The following CSMD1 variants were observed in gnomAD, a reference collection of about 807,000 sequenced individuals.
CSMD1 encodes CUB and sushi domain-containing protein 1.
A neutral mutation model predicts 417.5 loss-of-function variants in CSMD1; 213 were observed. That is an observed-to-expected ratio of 0.51 (90% CI 0.46 to 0.57). CSMD1 has a LOEUF of 0.57. Ranked by LOEUF, CSMD1 falls within the 20% of genes least tolerant of loss-of-function variation. CSMD1 has a pLI of 0.00. For synonymous variants in CSMD1, 2,862 were observed against 1,736.8 expected (o/e 1.65, Z -16.11); for missense variants, 6,923 against 4,529.7 (o/e 1.53, Z -15.17).
chr8:4,024,109 A>T (rs1027530705), intron 4 of CSMD1, among the ~76,000 whole-genome samples: 1 of 152,174 alleles, frequency 6.6e-6, no homozygotes, highest in Middle Eastern at 3.2e-3. Flanking sequence ...ATCTTACTAA[A>T]TGGAAAGACA....
At chr8:3,865,520 GT>G (rs1805027503) in intron 5 of CSMD1, among the ~76,000 whole-genome samples, 1 of 152,062 alleles carries the variant, frequency 6.6e-6, no homozygotes, top group African/African-American at 2.4e-5. Flanking sequence ...GGGGGAAAGA[GT>G]TGGGGGTGGA....
At chr8:4,302,001 T>C (rs562773113) in intron 3 of CSMD1, among the ~76,000 whole-genome samples, 3 of 152,348 alleles carry the variant, frequency 2.0e-5, no homozygotes, top group African/African-American at 4.8e-5. Context: ...TTAGAACAAG[T>C]TAATATGAGT....
At chr8:4,039,007 G>A (rs1046753886) in intron 3 of CSMD1, among the ~76,000 whole-genome samples, 5 of 152,070 alleles carry the variant, frequency 3.3e-5, no homozygotes, top group African/African-American at 1.2e-4. Context: ...TGGTTAAGTG[G>A]ATGTCATATT....
intron 10 of CSMD1, among the ~76,000 whole-genome samples, chr8:3,545,783 A>T (rs1249455892): frequency 1.3e-5 from 2 of 152,230 alleles, no homozygotes; most frequent in African/African-American, 2.4e-5. Flanking sequence ...TTTTGTTAAA[A>T]AAATAGTCAC....
chr8:4,638,280 T>C (rs1042915838), intron 1 of CSMD1, among the ~76,000 whole-genome samples: 3 of 152,196 alleles, frequency 2.0e-5, no homozygotes, highest in Admixed American at 1.3e-4. Flanking sequence ...TAAAACTATA[T>C]ACATACACAC....
intron 1 of CSMD1, among the ~76,000 whole-genome samples, chr8:4,749,943 G>A (rs1482893202): frequency 6.6e-6 from 1 of 151,824 alleles, no homozygotes; most frequent in Non-Finnish European, 1.5e-5. Context: ...AATTAGCCAA[G>A]GTCTTCATGG....
intron 10 of CSMD1, among the ~76,000 whole-genome samples, chr8:3,531,978 G>T (rs1798001036): frequency 6.6e-6 from 1 of 152,168 alleles, no homozygotes; most frequent in East Asian, 1.9e-4. Context: ...TGGAATGGGG[G>T]ATCCCACAGA....
At chr8:4,749,616 A>G (rs763288048) in intron 1 of CSMD1, among the ~76,000 whole-genome samples, 4 of 152,214 alleles carry the variant, frequency 2.6e-5, no homozygotes, top group Non-Finnish European at 4.4e-5. Context: ...CTGTTCTTGG[A>G]ATGTACCAGC....
chr8:4,337,463 C>G (rs988512883), intron 3 of CSMD1, among the ~76,000 whole-genome samples: 5 of 152,124 alleles, frequency 3.3e-5, no homozygotes, highest in Non-Finnish European at 1.5e-5. Flanking sequence ...GCAAACCACA[C>G]TGTGATGGGA....
chr8:4,009,427 A>G (rs975639067), intron 4 of CSMD1, among the ~76,000 whole-genome samples: 5 of 152,226 alleles, frequency 3.3e-5, no homozygotes, highest in South Asian at 2.1e-4. Context: ...AATAATCTAA[A>G]TATTCAACAG....
At chr8:3,141,898 C>T (rs553783600) in intron 41 of CSMD1, among the ~76,000 whole-genome samples, 54 of 151,698 alleles carry the variant, frequency 3.6e-4, no homozygotes, top group African/African-American at 1.1e-3. Flanking sequence ...CCCGGGTTCA[C>T]GCCACTCTCC....
At chr8:3,318,949 AACAC>A (rs1310737104) in intron 23 of CSMD1, among the ~76,000 whole-genome samples, 1 of 152,140 alleles carries the variant, frequency 6.6e-6, no homozygotes, top group African/African-American at 2.4e-5. Context: ...AAAACATACA[AACAC>A]ACACACATAT....
At chr8:2,996,457 C>T (rs1806901704) in intron 54 of CSMD1, among the ~76,000 whole-genome samples, 1 of 152,204 alleles carries the variant, frequency 6.6e-6, no homozygotes, top group Non-Finnish European at 1.5e-5. Flanking sequence ...CTAATGCACG[C>T]ACACACGATT....
Position 3,181,099 on chromosome 8 carries a change from G to A in CSMD1, c.5725+11C>T, listed in dbSNP as rs778440696. The A allele has an allele frequency of 5.1e-6, 8 of 1,576,740 alleles. No homozygotes were observed. Among genetic ancestry groups the A allele is most frequent in the Non-Finnish European group, 7.0e-6 (8 of 1,146,572 alleles). ...ACAGTGGAAGCTGTATACAGAAAGA[G>A]TTGACCTTACTTTTGTATTCCAGGT... On this transcript the variant is annotated intron_variant, in intron 37 of 69. Transcript: ENST00000635120.
At chr8:3,301,975 T>A (rs1292711741) in intron 25 of CSMD1, among the ~76,000 whole-genome samples, 7 of 152,216 alleles carry the variant, frequency 4.6e-5, no homozygotes, top group Non-Finnish European at 1.5e-5. Flanking sequence ...AAATCTCATA[T>A]AATTTATCAA....
In CSMD1 at chr8:4,072,280, C is replaced by T. The variant is rs144294066; in HGVS notation, c.416-40181G>A. On this transcript the variant is annotated intron_variant, in intron 3 of 69. Coordinates refer to ENST00000635120, the MANE Select transcript of CSMD1 (RefSeq NM_033225.6). ...GAGTTTATTTGGCCATCCTGAATTG[C>T]ACTTTTACAAAAAAATACCTTCCTT... Among the ~76,000 whole-genome samples, 564 of 152,206 alleles carry T rather than the reference C, an allele frequency of 3.7e-3. 4 individuals are homozygous for T. Among genetic ancestry groups the T allele is most frequent in the Middle Eastern group, 0.017 (5 of 294 alleles).
intron 1 of CSMD1, among the ~76,000 whole-genome samples, chr8:4,942,209 C>T (rs1808051676): frequency 6.6e-6 from 1 of 152,146 alleles, no homozygotes; most frequent in African/African-American, 2.4e-5. Flanking sequence ...AACACACAGA[C>T]ACATATAAAC....
At chr8:3,553,977 T>C (rs911472826) in intron 10 of CSMD1, among the ~76,000 whole-genome samples, 3 of 152,184 alleles carry the variant, frequency 2.0e-5, no homozygotes, top group Admixed American at 6.5e-5. Flanking sequence ...GATGGAATTA[T>C]GGGTGAAATT....
At chr8:4,224,668 C>G (rs1343849748) in intron 3 of CSMD1, among the ~76,000 whole-genome samples, 1 of 152,172 alleles carries the variant, frequency 6.6e-6, no homozygotes. Flanking sequence ...ATAGAATTCC[C>G]CACTGCTCAA....
Sources: gnomAD v4.1 joint callset for allele counts (sites outside exome capture counted in the v4.1 genomes callset) on GRCh38, gnomAD v4.1.1 for gene constraint, MANE v1.5 for transcripts, NCBI Gene and HGNC (gene_info 2026-07-23, HGNC 2026-07-21) for gene names.